Variants in IKZF2 observed in about 807,000 individuals in gnomAD.
IKZF2 encodes the protein zinc finger protein Helios.
IKZF2 carries 15 observed loss-of-function variants against 49.2 expected under a neutral mutation model. The observed-to-expected ratio is 0.30, with a 90% CI of 0.20 to 0.47. IKZF2 has a LOEUF of 0.47. IKZF2 is among the 20% of genes least tolerant of loss of function. The probability of loss-of-function intolerance (pLI) is 1.00; values close to 1 mark genes in which losing one functional copy is unlikely to be tolerated. For missense variants in IKZF2, 567 were observed against 664.6 expected (o/e 0.85, Z 1.61); for synonymous variants, 227 against 221.4 (o/e 1.03, Z -0.23).
chr2:213,122,145 T>C (rs1005343548), intron 4 of IKZF2, among the ~76,000 whole-genome samples: 2 of 152,166 alleles, frequency 1.3e-5, no homozygotes, highest in Non-Finnish European at 2.9e-5. Context: ...TATGCATATA[T>C]GCTTACATTT....
At chr2:213,121,951 G>C (rs1412349000) in intron 4 of IKZF2, among the ~76,000 whole-genome samples, 1 of 152,058 alleles carries the variant, frequency 6.6e-6, no homozygotes, top group Non-Finnish European at 1.5e-5. Flanking sequence ...TGAGAGAGAA[G>C]TGCAGAAATA....
intron 6 of IKZF2, among the ~76,000 whole-genome samples, chr2:213,030,135 T>C (rs529186815): frequency 6.6e-6 from 1 of 152,264 alleles, no homozygotes; most frequent in East Asian, 1.9e-4. Flanking sequence ...TATGCTTTTT[T>C]TGAGGTTTAG....
At chr2:213,051,596 C>T (rs1224605635) in intron 5 of IKZF2, among the ~76,000 whole-genome samples, 2 of 151,796 alleles carry the variant, frequency 1.3e-5, no homozygotes, top group African/African-American at 2.4e-5. Context: ...TACTTTTACA[C>T]ACAATATACA....
At chr2:213,152,012 C>A (rs2061298193), upstream of IKZF2, 1 of 152,060 alleles carries the variant, frequency 6.6e-6, no homozygotes, top group South Asian at 2.1e-4. Flanking sequence ...GCGTCGCCCC[C>A]AGCCCGTTGG....
chr2:213,062,366 A>C (rs1701775440), intron 4 of IKZF2, among the ~76,000 whole-genome samples: 1 of 151,634 alleles, frequency 6.6e-6, no homozygotes, highest in Admixed American at 6.6e-5. Flanking sequence ...ATTATGATTT[A>C]TTTTCTCTAT....
chr2:213,067,288 T>A (rs1702249715), intron 4 of IKZF2, among the ~76,000 whole-genome samples: 1 of 152,116 alleles, frequency 6.6e-6, no homozygotes, highest in Non-Finnish European at 1.5e-5. Flanking sequence ...TCTGGGGTTA[T>A]GTTTACTACA....
At chr2:213,138,666 T>C (rs1255534462) in intron 4 of IKZF2, among the ~76,000 whole-genome samples, 3 of 152,080 alleles carry the variant, frequency 2.0e-5, no homozygotes, top group Admixed American at 6.5e-5. Context: ...CTGATTAATT[T>C]CTTTATAATC....
chr2:213,011,688 GGGATGCTGCTCCATAGGAT>G (rs1695973506), intron 8 of IKZF2, among the ~76,000 whole-genome samples: 1 of 152,012 alleles, frequency 6.6e-6, no homozygotes, highest in Non-Finnish European at 1.5e-5. Flanking sequence ...TGATTCTTCA[GGGATGCTGCTCCATAGGAT>G]GGATAGGCCA....
intron 4 of IKZF2, among the ~76,000 whole-genome samples, chr2:213,130,045 GCTCA>G (rs1395072884): frequency 7.2e-5 from 11 of 152,248 alleles, no homozygotes; most frequent in African/African-American, 2.4e-4. Flanking sequence ...GATGTTTTCT[GCTCA>G]CTAAGTAATT....
chr2:213,144,052 A>T lies in IKZF2; in HGVS notation c.139+3656T>A, dbSNP rs2060962684. The stretch of plus-strand genomic sequence containing the variant: ...TCAATTTCCACATATGAAAAATAGA[A>T]ATCATAATATACTTCTGCTTCGCTA... On this transcript the variant is annotated intron_variant, in intron 4 of 8. Coordinates refer to ENST00000434687, the MANE Select transcript of IKZF2 (RefSeq NM_001387220.1). 2.6e-5 allele frequency among the ~76,000 whole-genome samples: 4 copies of T among 152,074 alleles called. No homozygotes were observed. The South Asian group carries it at 8.3e-4, about 32-fold the overall frequency.
At chr2:213,068,907 G>A (rs1702404225) in intron 4 of IKZF2, among the ~76,000 whole-genome samples, 1 of 73,744 alleles carries the variant, frequency 1.4e-5, no homozygotes, top group Admixed American at 1.7e-4. Flanking sequence ...ATCCAGGAGG[G>A]AGAAAACACA....
At chr2:213,040,694 T>C (rs1201287935) in intron 6 of IKZF2, among the ~76,000 whole-genome samples, 1 of 152,176 alleles carries the variant, frequency 6.6e-6, no homozygotes, top group Non-Finnish European at 1.5e-5. Flanking sequence ...AGGTGTAATA[T>C]ATATAATGTA....
chr2:213,055,421 A>C (rs1490601905), intron 5 of IKZF2, among the ~76,000 whole-genome samples: 1 of 151,850 alleles, frequency 6.6e-6, no homozygotes, highest in African/African-American at 2.4e-5. Context: ...TAGTAATATA[A>C]ATATTTTTAA....
chr2:213,043,773 A>G (rs1437395984), intron 6 of IKZF2, among the ~76,000 whole-genome samples: 1 of 152,202 alleles, frequency 6.6e-6, no homozygotes, highest in Non-Finnish European at 1.5e-5. Flanking sequence ...TCTGACAGGA[A>G]GAGGAGCTCA....
At chr2:213,017,254 C>A (rs1219308496) in intron 7 of IKZF2, among the ~76,000 whole-genome samples, 1 of 152,078 alleles carries the variant, frequency 6.6e-6, no homozygotes, top group Non-Finnish European at 1.5e-5. Context: ...AAAACTACTA[C>A]GTTGGGCCAC....
chr2:213,087,909 T>C (rs536433724), intron 4 of IKZF2, among the ~76,000 whole-genome samples: 101 of 152,266 alleles, frequency 6.6e-4, no homozygotes, highest in Non-Finnish European at 1.1e-3. Context: ...CTATCACTGA[T>C]GGACATTTGG....
intron 4 of IKZF2, among the ~76,000 whole-genome samples, chr2:213,111,788 A>T (rs191814991): frequency 1.9e-3 from 295 of 152,156 alleles, no homozygotes; most frequent in Admixed American, 3.5e-3. Flanking sequence ...TTTTTGTCCT[A>T]TGTTTTTTCA....
At chr2:213,139,162 C>G (rs141846657) in intron 4 of IKZF2, among the ~76,000 whole-genome samples, 1 of 151,926 alleles carries the variant, frequency 6.6e-6, no homozygotes, top group African/African-American at 2.4e-5. Flanking sequence ...CCAGAAAGAA[C>G]TCGTCGTAAC....
At chr2:213,071,250 CAAAT>C (rs1200743595) in intron 4 of IKZF2, among the ~76,000 whole-genome samples, 2 of 151,782 alleles carry the variant, frequency 1.3e-5, no homozygotes, top group Non-Finnish European at 2.9e-5. Flanking sequence ...ACTATACAAA[CAAAT>C]ATTTATTAGT....
Sources: gnomAD v4.1 joint callset for allele counts (sites outside exome capture counted in the v4.1 genomes callset) on GRCh38, gnomAD v4.1.1 for gene constraint, MANE v1.5 for transcripts, NCBI Gene and HGNC (gene_info 2026-07-23, HGNC 2026-07-21) for gene names.